Variants in ALPK1 observed in about 807,000 individuals in gnomAD.
ALPK1 encodes alpha-protein kinase 1.
In ALPK1, 110 loss-of-function variants were observed where a neutral mutation model predicts 120.6. The ratio of observed to expected loss-of-function variants is 0.91; its 90% CI spans 0.78 to 1.07. The LOEUF (loss-of-function observed/expected upper bound fraction) is 1.07. Among genes scored for constraint, ALPK1 ranks in the 50% least tolerant of loss-of-function variants. The pLI is 0.00. For synonymous variants in ALPK1, 582 were observed against 560.3 expected (o/e 1.04, Z -0.55); for missense variants, 1,498 against 1,483.9 (o/e 1.01, Z -0.16).
In ALPK1 at chr4:112,425,693, C is replaced by T; in HGVS notation, c.564C>T (p.Asp188=). 1.2e-6 allele frequency: 2 copies of T among 1,613,090 alleles called. No homozygotes were observed. The highest frequency in any genetic ancestry group is 1.7e-6 in the Non-Finnish European group (2 of 1,179,256). Residue 188 remains aspartate (D), a synonymous_variant, in exon 7 of 16, where the codon GAC becomes GAT. Coordinates refer to ENST00000650871, the MANE Select transcript of ALPK1 (RefSeq NM_025144.4). ...TGTWLYRNES[D]KVLVQSVCIQ... ...CCTGGCTGTACAGAAATGAAAGTGA[C>T]AAGGTCCTGGTGCAGTCGGTCTGTA...
intron 6 of ALPK1, 136 bp from the exon 7 acceptor site, chr4:112,425,529 C>T: frequency 1.4e-6 from 1 of 695,238 alleles, no homozygotes; most frequent in South Asian, 1.8e-5. Context: ...GAAGTTTGGA[C>T]CTGATTCTAA....
chr4:112,312,691 A>G (rs1313206276), intron 1 of ALPK1, among the ~76,000 whole-genome samples: 1 of 152,248 alleles, frequency 6.6e-6, no homozygotes, highest in Non-Finnish European at 1.5e-5. Flanking sequence ...ATAGGCTGGT[A>G]ATACCTCTCG....
intron 12 of ALPK1, among the ~76,000 whole-genome samples, chr4:112,435,534 C>T (rs1025460382): frequency 1.3e-5 from 2 of 152,130 alleles, no homozygotes; most frequent in African/African-American, 4.8e-5. Context: ...ACCTCAAAAC[C>T]ATCAGGGAAA....
chr4:112,407,591 C>T (rs979521363), intron 4 of ALPK1, among the ~76,000 whole-genome samples: 2 of 152,194 alleles, frequency 1.3e-5, no homozygotes, highest in African/African-American at 4.8e-5. Flanking sequence ...AATCTCACAG[C>T]TTCAGCTTCC....
chr4:112,435,216 G>A lies in ALPK1; in HGVS notation c.3103G>A (p.Gly1035Arg), dbSNP rs771413265. The A allele has an allele frequency of 1.2e-6, 2 of 1,613,544 alleles. No individual in the cohort carries two copies. Among genetic ancestry groups the A allele is most frequent in the South Asian group, 2.2e-5 (2 of 90,984 alleles). The change falls in exon 12 of 16, where the codon GGG becomes AGG. Residue 1035 changes from glycine to arginine, a missense_variant. Coordinates refer to ENST00000650871, the MANE Select transcript of ALPK1 (RefSeq NM_025144.4). ...WTAQETIVYLGDYLTVKKKGR... is the reference protein window; with the variant it reads ...WTAQETIVYLRDYLTVKKKGR... ...GGCCCAGGAAACTATTGTCTATTTG[G>A]GGGACTACTTGACTGTGAAGAAAAA...
chr4:112,431,209 G>A lies in ALPK1; in HGVS notation c.1662G>A (p.Glu554=). The A allele has an allele frequency of 6.2e-7, 1 of 1,614,158 alleles. No individual in the cohort carries two copies. Among genetic ancestry groups the A allele is most frequent in the Non-Finnish European group, 8.5e-7 (1 of 1,180,026 alleles). Residue 554 remains glutamate (E), a synonymous_variant, in exon 11 of 16, where the codon GAG becomes GAA. Transcript: ENST00000650871. The stretch of plus-strand genomic sequence containing the variant: ...GAGTCTCCTTGGATCAAGATGTGGA[G>A]ACTGAGACTGAGCCATCGGACTACA... The part of the protein sequence containing the change: ...AFRVSLDQDV[E]TETEPSDYSN...
intron 2 of ALPK1, among the ~76,000 whole-genome samples, chr4:112,366,797 C>A (rs1279216247): frequency 1.3e-5 from 2 of 152,144 alleles, no homozygotes; most frequent in African/African-American, 2.4e-5. Flanking sequence ...GGAAACAGTC[C>A]AAATGCCCAT....
chr4:112,430,598 C>A lies in ALPK1; in HGVS notation c.1051C>A (p.Leu351Ile), dbSNP rs561659863. 6.2e-7 allele frequency: 1 copy of A among 1,614,160 alleles called. No homozygotes were observed. Among genetic ancestry groups the A allele is most frequent in the African/African-American group, 1.3e-5 (1 of 75,030 alleles). The change falls in exon 11 of 16, where the codon CTT becomes ATT. Residue 351 changes from leucine (L) to isoleucine (I), a missense_variant. By Grantham distance (5) the Leu-to-Ile change is conservative (BLOSUM62 2). Coordinates refer to ENST00000650871, the MANE Select transcript of ALPK1 (RefSeq NM_025144.4). ...TGAGCCTGTTACTGGAAAACAGGAG[C>A]TTCACAGCTTTGTCAAAGCTGCTTT... is the stretch of plus-strand genomic sequence containing the variant. ...DDEPVTGKQE[L>I]HSFVKAAFGL...
chr4:112,439,769 G>C lies in ALPK1; in HGVS notation c.3435G>C (p.Thr1145=), dbSNP rs55840220. The C allele has an allele frequency of 6.2e-7, 1 of 1,613,592 alleles. No individual in the cohort carries two copies. The highest frequency in any genetic ancestry group is 8.5e-7 in the Non-Finnish European group (1 of 1,179,822). The part of the protein sequence containing the change: ...LGEFVKLSNN[T]KVVKTEYKAT... ...AATTTGTAAAATTGTCAAATAACAC[G>C]AAAGTGGTGAAAACAGAATACAAAG... Residue 1145 remains threonine (T), a synonymous_variant, in exon 14 of 16, where the codon ACG becomes ACC. Transcript: ENST00000650871.
Position 112,382,530 on chromosome 4 carries a change from G to A in ALPK1, c.254G>A (p.Gly85Asp). The A allele has an allele frequency of 1.9e-6, 3 of 1,614,122 alleles. No individual in the cohort carries two copies. The highest frequency in any genetic ancestry group is 2.5e-6 in the Non-Finnish European group (3 of 1,180,024). Residue 85 changes from glycine (G) to aspartate (D), a missense_variant, in exon 4 of 16, where the codon GGC (glycine) becomes GAC (aspartate). By Grantham distance (94) the Gly-to-Asp change is moderately conservative. Coordinates refer to ENST00000650871, the MANE Select transcript of ALPK1 (RefSeq NM_025144.4). ...AAAACAAACCTGAAGGATGTGATTG[G>A]CGCCGGGTTGCAGCAGTTACTGGTA... is the stretch of plus-strand genomic sequence containing the variant. ...EDKTNLKDVI[G>D]AGLQQLLASL... is the part of the protein sequence containing the mutation.
intron 7 of ALPK1, chr4:112,426,021 T>C (rs2148758845): frequency 3.2e-6 from 1 of 308,498 alleles, no homozygotes; most frequent in East Asian, 6.8e-5. Flanking sequence ...TTCTAGCATC[T>C]GACTCAGTTC....
intron 1 of ALPK1, among the ~76,000 whole-genome samples, chr4:112,311,554 C>A (rs1728400898): frequency 6.6e-6 from 1 of 152,208 alleles, no homozygotes; most frequent in African/African-American, 2.4e-5. Flanking sequence ...ACTGCCAATT[C>A]TCTGTTTAGA....
chr4:112,346,375 C>T (rs1301860813), intron 2 of ALPK1, among the ~76,000 whole-genome samples: 1 of 152,158 alleles, frequency 6.6e-6, no homozygotes, highest in East Asian at 1.9e-4. Flanking sequence ...CTCTTAACGA[C>T]ATTCATTGTG....
intron 2 of ALPK1, among the ~76,000 whole-genome samples, chr4:112,361,418 C>A (rs962480618): frequency 6.6e-6 from 1 of 152,160 alleles, no homozygotes; most frequent in South Asian, 2.1e-4. Context: ...GCCAGGAAGC[C>A]GGGTGAGGCC....
chr4:112,365,756 C>T (rs1350470557), intron 2 of ALPK1, among the ~76,000 whole-genome samples: 1 of 152,124 alleles, frequency 6.6e-6, no homozygotes. Flanking sequence ...CAAAGCAAGA[C>T]TAAGCAAAAA....
At chr4:112,402,259 G>A (rs1246752118) in intron 4 of ALPK1, among the ~76,000 whole-genome samples, 3 of 152,136 alleles carry the variant, frequency 2.0e-5, no homozygotes, top group Admixed American at 6.5e-5. Flanking sequence ...TCAGTTCTGA[G>A]CCCCTTCACC....
chr4:112,353,405 T>C (rs1427363513), intron 2 of ALPK1, among the ~76,000 whole-genome samples: 2 of 152,212 alleles, frequency 1.3e-5, no homozygotes, highest in African/African-American at 4.8e-5. Context: ...TACAAGAATT[T>C]CTCTAAATTA....
intron 2 of ALPK1, among the ~76,000 whole-genome samples, chr4:112,374,624 T>G (rs1731569689): frequency 1.3e-5 from 2 of 152,230 alleles, no homozygotes; most frequent in Non-Finnish European, 2.9e-5. Context: ...CTGTGATCAC[T>G]ATAAGCTATA....
intron 4 of ALPK1, chr4:112,382,949 C>G: frequency 4.6e-6 from 1 of 216,614 alleles, no homozygotes; most frequent in Non-Finnish European, 9.4e-6. Context: ...GTGTGACTTG[C>G]TGTCTAAGCT....
Sources: allele counts gnomAD v4.1 joint callset (sites outside exome capture counted in the v4.1 genomes callset), GRCh38; gene constraint gnomAD v4.1.1; transcripts MANE v1.5; gene names NCBI Gene and HGNC (gene_info 2026-07-23, HGNC 2026-07-21).